SH2D4B: variants seen among roughly 807,000 people sequenced by gnomAD.
SH2D4B encodes the protein SH2 domain containing 4B, also known as SH2 domain-containing protein 4B.
Under a neutral mutation model 61.5 loss-of-function variants are expected in SH2D4B, and 45 were observed. The ratio of observed to expected loss-of-function variants is 0.73; its 90% CI spans 0.58 to 0.94. The LOEUF is 0.94. Among genes scored for constraint, SH2D4B ranks in the 40% least tolerant of loss-of-function variants. The pLI, the probability that SH2D4B is intolerant of heterozygous loss-of-function variation, is 0.00. For missense variants in SH2D4B, 572 were observed against 574.2 expected (o/e 1.00, Z 0.04); for synonymous variants, 224 against 220.4 (o/e 1.02, Z -0.14).
chr10:80,634,540 G>T, intron 7 of SH2D4B, 35 bp downstream of exon 7: 1 of 1,544,074 alleles, frequency 6.5e-7, no homozygotes. Context: ...GGGGGGAGGG[G>T]GAACTGGTGG....
chr10:80,606,146 C>A (rs928518430), intron 5 of SH2D4B, among the ~76,000 whole-genome samples: 10 of 152,174 alleles, frequency 6.6e-5, no homozygotes, highest in Non-Finnish European at 1.2e-4. Flanking sequence ...CGCCTGTCAG[C>A]ACACCTCATC....
chr10:80,610,713 C>T (rs951485097), intron 6 of SH2D4B, among the ~76,000 whole-genome samples: 8 of 152,188 alleles, frequency 5.3e-5, no homozygotes, highest in East Asian at 3.8e-4. Flanking sequence ...GAATAGCATC[C>T]GTGTCATGTT....
At chr10:80,629,996 G>T (rs1218697386) in intron 6 of SH2D4B, among the ~76,000 whole-genome samples, 1 of 152,210 alleles carries the variant, frequency 6.6e-6, no homozygotes, top group Non-Finnish European at 1.5e-5. Context: ...TGAAGCAGAA[G>T]ACGAAAGACT....
At chr10:80,547,508 T>C (rs941026617) in intron 1 of SH2D4B, among the ~76,000 whole-genome samples, 23 of 150,210 alleles carry the variant, frequency 1.5e-4, no homozygotes, top group African/African-American at 5.8e-4. Context: ...TTTGTAGCTG[T>C]TGTTCACAAC....
chr10:80,613,250 G>C (rs1842623527), intron 6 of SH2D4B, among the ~76,000 whole-genome samples: 1 of 152,218 alleles, frequency 6.6e-6, no homozygotes, highest in Non-Finnish European at 1.5e-5. Flanking sequence ...GGAATTGGGA[G>C]AGAGATTGTA....
chr10:80,541,117 T>C (rs1272832906), intron 1 of SH2D4B, among the ~76,000 whole-genome samples: 1 of 152,160 alleles, frequency 6.6e-6, no homozygotes, highest in Admixed American at 6.5e-5. Flanking sequence ...GGGTTTCTAA[T>C]TTTATGGGTG....
intron 3 of SH2D4B, among the ~76,000 whole-genome samples, chr10:80,580,686 T>A (rs535598409): frequency 2.9e-4 from 44 of 152,292 alleles, no homozygotes; most frequent in Non-Finnish European, 4.3e-4. Flanking sequence ...CCTAGGATTT[T>A]AAAAAATTTT....
chr10:80,547,759 G>A (rs998179092), intron 1 of SH2D4B, among the ~76,000 whole-genome samples: 1 of 152,166 alleles, frequency 6.6e-6, no homozygotes, highest in African/African-American at 2.4e-5. Flanking sequence ...AGGTGTCTAG[G>A]GGTGAGGGAC....
intron 1 of SH2D4B, among the ~76,000 whole-genome samples, chr10:80,559,295 TA>T (rs1407361893): frequency 2.6e-5 from 4 of 152,226 alleles, no homozygotes; most frequent in Non-Finnish European, 5.9e-5. Flanking sequence ...ACAATGCTTT[TA>T]AAATTTCTCA....
At chr10:80,618,262 T>C (rs372251950) in intron 6 of SH2D4B, among the ~76,000 whole-genome samples, 1 of 152,202 alleles carries the variant, frequency 6.6e-6, no homozygotes, top group Non-Finnish European at 1.5e-5. Flanking sequence ...AGGTCAGTAT[T>C]ATACAGGATC....
chr10:80,585,585 G>C (rs1842235506), intron 3 of SH2D4B, among the ~76,000 whole-genome samples: 1 of 152,140 alleles, frequency 6.6e-6, no homozygotes, highest in Admixed American at 6.6e-5. Flanking sequence ...AAAGTGCTGG[G>C]ATTACAGGCG....
chr10:80,580,160 A>C (rs1249767032), intron 3 of SH2D4B, among the ~76,000 whole-genome samples: 1 of 152,188 alleles, frequency 6.6e-6, no homozygotes, highest in Non-Finnish European at 1.5e-5. Flanking sequence ...GAGGTTCATA[A>C]ATTTGGAAAG....
chr10:80,612,182 CTTTTT>C (rs796771295), intron 6 of SH2D4B, among the ~76,000 whole-genome samples: 3 of 62,994 alleles, frequency 4.8e-5, no homozygotes, highest in African/African-American at 2.0e-4. Context: ...CCCACTCCTG[CTTTTT>C]TTTTTTTTTT....
chr10:80,630,043 G>T (rs780627438), intron 6 of SH2D4B, among the ~76,000 whole-genome samples: 11 of 152,198 alleles, frequency 7.2e-5, no homozygotes, highest in Non-Finnish European at 1.2e-4. Context: ...AAAGGGGGAG[G>T]GTGCTGGAGA....
intron 4 of SH2D4B, among the ~76,000 whole-genome samples, chr10:80,603,143 G>T (rs1842471004): frequency 6.6e-6 from 1 of 152,106 alleles, no homozygotes; most frequent in Non-Finnish European, 1.5e-5. Flanking sequence ...GTCTGGAGAT[G>T]CTGGCCACCT....
At chr10:80,546,924 C>T (rs1285718886) in intron 1 of SH2D4B, among the ~76,000 whole-genome samples, 1 of 152,138 alleles carries the variant, frequency 6.6e-6, no homozygotes, top group Non-Finnish European at 1.5e-5. Flanking sequence ...GAAACATAAG[C>T]CTATTTTTAT....
At chr10:80,549,491 G>C (rs1841728960) in intron 1 of SH2D4B, among the ~76,000 whole-genome samples, 1 of 152,072 alleles carries the variant, frequency 6.6e-6, no homozygotes, top group African/African-American at 2.4e-5. Flanking sequence ...CAGGGGTGTA[G>C]TCTCAGCATC....
chr10:80,643,992 G>A lies in SH2D4B; in HGVS notation c.1210-1G>A, dbSNP rs1334487796. The A allele has an allele frequency of 1.2e-6, 2 of 1,612,028 alleles. No individual in the cohort carries two copies. The highest frequency in any genetic ancestry group is 1.3e-5 in the African/African-American group (1 of 74,658). Reference sequence around the variant, plus strand: ...GGATTTTCCTTTTTTTTCTGTTTTAGGAGGAAATTATCACTGTTTCAGGAG... The same window carrying A: ...GGATTTTCCTTTTTTTTCTGTTTTAAGAGGAAATTATCACTGTTTCAGGAG... On this transcript the variant is annotated splice_acceptor_variant, in intron 7 of 7. Coordinates refer to ENST00000646907, the MANE Select transcript of SH2D4B (RefSeq NM_001388272.1). LOFTEE classifies it high-confidence loss of function.
At chr10:80,570,558 G>C (rs1842029646) in intron 2 of SH2D4B, among the ~76,000 whole-genome samples, 1 of 152,142 alleles carries the variant, frequency 6.6e-6, no homozygotes, top group South Asian at 2.1e-4. Flanking sequence ...CTAAAATCAG[G>C]TAAACAACAC....
Sources: allele counts gnomAD v4.1 joint callset (sites outside exome capture counted in the v4.1 genomes callset), GRCh38; gene constraint gnomAD v4.1.1; transcripts MANE v1.5; gene names NCBI Gene and HGNC (gene_info 2026-07-23, HGNC 2026-07-21).